The following RBFOX1 variants were observed in gnomAD, a reference collection of about 807,000 sequenced individuals.
RBFOX1 encodes the protein RNA binding fox-1 homolog 1.
Under a neutral mutation model 57.7 loss-of-function variants are expected in RBFOX1, and 8 were observed. The observed-to-expected ratio is 0.14, with a 90% CI of 0.08 to 0.25. RBFOX1 has a LOEUF of 0.25. Ranked by LOEUF, RBFOX1 falls within the 10% of genes least tolerant of loss-of-function variation. RBFOX1 has a pLI of 1.00. For synonymous variants in RBFOX1, 326 were observed against 222.4 expected, an observed-to-expected ratio of 1.47 and a Z score of -4.15; for missense variants, 611 against 548.5, an observed-to-expected ratio of 1.11 and a Z score of -1.14.
chr16:6,316,910 C>A, intron 1 of RBFOX1, 85 bp from the exon 2 acceptor site: 1 of 1,082,184 alleles, frequency 9.2e-7, no homozygotes, highest in South Asian at 1.4e-5. Context: ...GAAGGTTGGT[C>A]CATATTACTA....
chr16:7,260,561 C>T (rs1220550679), intron 4 of RBFOX1, among the ~76,000 whole-genome samples: 1 of 152,138 alleles, frequency 6.6e-6, no homozygotes, highest in Non-Finnish European at 1.5e-5. Flanking sequence ...CAGGGAATAA[C>T]TCATCGCATC....
At chr16:5,756,641 C>A (rs548442285) in intron 3 of RBFOX1, among the ~76,000 whole-genome samples, 1 of 152,296 alleles carries the variant, frequency 6.6e-6, no homozygotes, top group Non-Finnish European at 1.5e-5. Flanking sequence ...TGCTGCCTGC[C>A]TTTCCAGCCA....
At chr16:7,507,524 G>T (rs2073717450) in intron 4 of RBFOX1, among the ~76,000 whole-genome samples, 1 of 151,082 alleles carries the variant, frequency 6.6e-6, no homozygotes, top group Non-Finnish European at 1.5e-5. Flanking sequence ...CAGTAGGTCT[G>T]GTGTGAAGGC....
intron 3 of RBFOX1, among the ~76,000 whole-genome samples, chr16:6,976,342 T>G (rs1321863659): frequency 1.3e-5 from 2 of 152,176 alleles, no homozygotes; most frequent in African/African-American, 4.8e-5. Context: ...TCCTCTATCC[T>G]TGTTCTAGCA....
intron 3 of RBFOX1, among the ~76,000 whole-genome samples, chr16:5,808,518 C>G (rs1488972923): frequency 6.6e-6 from 1 of 152,142 alleles, no homozygotes; most frequent in Non-Finnish European, 1.5e-5. Context: ...GCAGTATGGC[C>G]ATTTTCACGA....
At chr16:7,618,357 C>T (rs1271225292) in intron 10 of RBFOX1, among the ~76,000 whole-genome samples, 1 of 152,104 alleles carries the variant, frequency 6.6e-6, no homozygotes, top group Non-Finnish European at 1.5e-5. Context: ...GCGTGAAGCC[C>T]TGTGGTGCTG....
At chr16:6,789,252 C>T (rs141748026) in intron 3 of RBFOX1, among the ~76,000 whole-genome samples, 136 of 152,202 alleles carry the variant, frequency 8.9e-4, no homozygotes, top group African/African-American at 3.1e-3. Flanking sequence ...TTTCCCAAGC[C>T]GCGATCCCCA....
chr16:5,762,644 T>A (rs1456758346), intron 3 of RBFOX1, among the ~76,000 whole-genome samples: 5 of 152,142 alleles, frequency 3.3e-5, no homozygotes, highest in Non-Finnish European at 7.3e-5. Flanking sequence ...AAGAAGTAAG[T>A]GGTACTCATT....
chr16:6,008,789 G>A (rs771021376), intron 4 of RBFOX1, among the ~76,000 whole-genome samples: 49 of 152,192 alleles, frequency 3.2e-4, no homozygotes, highest in Non-Finnish European at 6.6e-4. Context: ...GTGCTGTTCT[G>A]TGTTCTCCGT....
At chr16:6,550,564 G>T (rs1445363907) in intron 2 of RBFOX1, among the ~76,000 whole-genome samples, 1 of 152,078 alleles carries the variant, frequency 6.6e-6, no homozygotes, top group African/African-American at 2.4e-5. Flanking sequence ...GACCTCAAGT[G>T]ATGCACCTGC....
intron 1 of RBFOX1, among the ~76,000 whole-genome samples, chr16:5,361,098 C>G (rs1227083609): frequency 6.6e-6 from 1 of 152,186 alleles, no homozygotes; most frequent in Non-Finnish European, 1.5e-5. Flanking sequence ...CTGATTTAAT[C>G]TCTGCAATAA....
At chr16:7,144,158 ATTGT>A (rs1192523919) in intron 4 of RBFOX1, among the ~76,000 whole-genome samples, 7 of 152,132 alleles carry the variant, frequency 4.6e-5, no homozygotes, top group Non-Finnish European at 7.3e-5. Context: ...TGCAAAAATG[ATTGT>A]TTAAGAAAGG....
chr16:5,273,096 C>G (rs1232543291), intron 1 of RBFOX1, among the ~76,000 whole-genome samples: 1 of 152,160 alleles, frequency 6.6e-6, no homozygotes, highest in Non-Finnish European at 1.5e-5. Context: ...GAAACTCGTT[C>G]TCTTTAAGAG....
At chr16:6,014,186 A>G (rs918727917), upstream of RBFOX1, among the ~76,000 whole-genome samples, 1 of 152,238 alleles carries the variant, frequency 6.6e-6, no homozygotes, top group African/African-American at 2.4e-5. Context: ...GATACAATCA[A>G]AGAGCTTATA....
intron 2 of RBFOX1, among the ~76,000 whole-genome samples, chr16:6,473,694 A>T (rs2095228041): frequency 6.6e-6 from 1 of 152,196 alleles, no homozygotes; most frequent in Admixed American, 6.5e-5. Flanking sequence ...ATTTTGCCAG[A>T]AACTCAAAGG....
chr16:6,475,442 A>C (rs1295808424), intron 2 of RBFOX1, among the ~76,000 whole-genome samples: 2 of 152,194 alleles, frequency 1.3e-5, no homozygotes, highest in Non-Finnish European at 2.9e-5. Flanking sequence ...TCTTTGTTTA[A>C]ATTTGTAAGG....
chr16:6,966,789 ATCTGTCTG>A (rs796374772), intron 3 of RBFOX1, among the ~76,000 whole-genome samples: 5 of 127,930 alleles, frequency 3.9e-5, no homozygotes, highest in Admixed American at 1.5e-4. Context: ...CTATCTATCT[ATCTGTCTG>A]TCTGTCTGTC....
At chr16:7,595,686 C>G in intron 8 of RBFOX1, 45 bp downstream of exon 8, 1 of 1,482,072 alleles carries the variant, frequency 6.7e-7, no homozygotes, top group Non-Finnish European at 9.2e-7. Context: ...TTATAAATGT[C>G]TGCTTCACGC....
chr16:5,400,834 A>T (rs1442137575), intron 1 of RBFOX1, among the ~76,000 whole-genome samples: 1 of 152,158 alleles, frequency 6.6e-6, no homozygotes, highest in African/African-American at 2.4e-5. Context: ...TTGATAGGAG[A>T]GAAGTGGTCA....
Sources: allele counts gnomAD v4.1 joint callset (sites outside exome capture counted in the v4.1 genomes callset), GRCh38; gene constraint gnomAD v4.1.1; transcripts MANE v1.5; gene names NCBI Gene and HGNC (gene_info 2026-07-23, HGNC 2026-07-21).